CD28: variants seen among roughly 807,000 people sequenced by gnomAD.
CD28 encodes the protein CD28 molecule, also known as T-cell-specific surface glycoprotein CD28.
CD28 carries 8 observed loss-of-function variants against 21.4 expected under a neutral mutation model. That is an observed-to-expected ratio of 0.37 (90% CI 0.22 to 0.68). The LOEUF is 0.68. Among genes scored for constraint, CD28 ranks in the 30% least tolerant of loss-of-function variants. The probability of loss-of-function intolerance (pLI) is 0.55; values close to 1 mark genes in which losing one functional copy is unlikely to be tolerated. For synonymous variants in CD28, 106 were observed against 104.0 expected, an observed-to-expected ratio of 1.02 and a Z score of -0.12; for missense variants, 239 against 272.2, an observed-to-expected ratio of 0.88 and a Z score of 0.86.
At chr2:203,716,427 C>G (rs1481841557) in intron 1 of CD28, among the ~76,000 whole-genome samples, 1 of 152,188 alleles carries the variant, frequency 6.6e-6, no homozygotes, top group South Asian at 2.1e-4. Flanking sequence ...AATGAAACAG[C>G]TCTGTCTTTT....
At chr2:203,714,312 G>A (rs1225647883) in intron 1 of CD28, among the ~76,000 whole-genome samples, 1 of 152,018 alleles carries the variant, frequency 6.6e-6, no homozygotes, top group East Asian at 1.9e-4. Context: ...CTATGGCTAG[G>A]CTTGACCTCA....
At chr2:203,722,023 C>T (rs1693616256) in intron 1 of CD28, among the ~76,000 whole-genome samples, 1 of 152,144 alleles carries the variant, frequency 6.6e-6, no homozygotes, top group African/African-American at 2.4e-5. Flanking sequence ...CTCTCCAGCC[C>T]ACCCACACTC....
chr2:203,738,292 T>C lies in CD28; in HGVS notation c.*3380T>C, dbSNP rs968624105. 1 of 152,132 alleles carries C rather than the reference T, an allele frequency of 6.6e-6. No individual in the cohort carries two copies. The highest frequency in any genetic ancestry group is 2.4e-5 in the African/African-American group (1 of 41,428). 9.4% of individuals were successfully genotyped at this position (152,132 alleles called of 1,614,324 possible). On this transcript the variant is annotated 3_prime_UTR_variant, in exon 4 of 4. Coordinates refer to ENST00000324106, the MANE Select transcript of CD28 (RefSeq NM_006139.4). ...CATGTCTGATCCCTTATCCCAGCCA[T>C]TTGCACTGCCAGCTGGGAACTATAC...
chr2:203,713,204 GT>G (rs1693362865), intron 1 of CD28, among the ~76,000 whole-genome samples: 3 of 152,212 alleles, frequency 2.0e-5, no homozygotes, highest in African/African-American at 7.2e-5. Flanking sequence ...TAGAATACTG[GT>G]AACAGAAATT....
chr2:203,728,307 G>A (rs1283399624), intron 2 of CD28, among the ~76,000 whole-genome samples: 4 of 152,166 alleles, frequency 2.6e-5, no homozygotes, highest in African/African-American at 9.7e-5. Context: ...GTTATGTTCT[G>A]CCTAAATGTT....
chr2:203,735,070 A>T lies in CD28; in HGVS notation c.*158A>T. ...TCGAGTGACTAGACCAAATATCAAGATCATTTTGAGACTCTGAAATGAAGT... is the reference window on the plus strand; with the variant it reads ...TCGAGTGACTAGACCAAATATCAAGTTCATTTTGAGACTCTGAAATGAAGT... On this transcript the variant is annotated 3_prime_UTR_variant, in exon 4 of 4. Coordinates refer to ENST00000324106, the MANE Select transcript of CD28 (RefSeq NM_006139.4). 1 of 769,480 alleles carries T rather than the reference A, an allele frequency of 1.3e-6. No homozygotes were observed. Among genetic ancestry groups the T allele is most frequent in the Non-Finnish European group, 2.1e-6 (1 of 487,224 alleles). 47.7% of individuals were successfully genotyped at this position (769,480 alleles called of 1,614,324 possible).
chr2:203,732,087 C>G (rs1305614290), intron 3 of CD28, among the ~76,000 whole-genome samples: 1 of 152,166 alleles, frequency 6.6e-6, no homozygotes, highest in African/African-American at 2.4e-5. Context: ...GCATCTAGGC[C>G]ATTATGGATC....
At position 203,726,718 on chromosome 2, in the gene CD28, C is replaced by T. The variant is rs200104007; in HGVS notation, c.138C>T (p.Leu46=). The change falls in exon 2 of 4, where the codon CTC becomes CTT. Residue 46 remains leucine (L), a synonymous_variant. Transcript: ENST00000324106. ...TTAGCTGCAAGTATTCCTACAATCT[C>T]TTCTCAAGGGAGTTCCGGGCATCCC... The part of the protein sequence containing the change: ...VNLSCKYSYN[L]FSREFRASLH... The T allele has an allele frequency of 6.2e-7, 1 of 1,613,970 alleles. No individual in the cohort carries two copies. Among genetic ancestry groups the T allele is most frequent in the African/African-American group, 1.3e-5 (1 of 74,898 alleles).
At chr2:203,720,060 A>G (rs764273606) in intron 1 of CD28, among the ~76,000 whole-genome samples, 1 of 152,046 alleles carries the variant, frequency 6.6e-6, no homozygotes, top group Non-Finnish European at 1.5e-5. Context: ...GCAACTTTCA[A>G]TTTTCCTGAA....
chr2:203,713,161 G>C (rs1413084992), intron 1 of CD28, among the ~76,000 whole-genome samples: 1 of 152,234 alleles, frequency 6.6e-6, no homozygotes, highest in East Asian at 1.9e-4. Context: ...TGAGGTTATG[G>C]TGAAGCAGCG....
chr2:203,732,158 C>T (rs1409279165), intron 3 of CD28, among the ~76,000 whole-genome samples: 1 of 152,136 alleles, frequency 6.6e-6, no homozygotes, highest in African/African-American at 2.4e-5. Flanking sequence ...TGGTCTGCAG[C>T]GTGCCTTGAT....
chr2:203,727,491 T>C (rs984849591), intron 2 of CD28, among the ~76,000 whole-genome samples: 3 of 148,970 alleles, frequency 2.0e-5, no homozygotes, highest in South Asian at 2.1e-4. Context: ...TCTTTTTCTT[T>C]TTTTTTGAGA....
chr2:203,715,680 C>G (rs1298618571), intron 1 of CD28, among the ~76,000 whole-genome samples: 1 of 152,154 alleles, frequency 6.6e-6, no homozygotes, highest in South Asian at 2.1e-4. Flanking sequence ...CTGGCTTCCT[C>G]GAACTCTAGT....
intron 3 of CD28, among the ~76,000 whole-genome samples, chr2:203,734,235 A>C (rs1408348996): frequency 6.6e-6 from 1 of 152,228 alleles, no homozygotes; most frequent in African/African-American, 2.4e-5. Context: ...AGCCAAGCCT[A>C]TGAAAGAGAG....
At chr2:203,712,273 T>C (rs1693336395) in intron 1 of CD28, among the ~76,000 whole-genome samples, 1 of 152,180 alleles carries the variant, frequency 6.6e-6, no homozygotes, top group Admixed American at 6.5e-5. Flanking sequence ...CTGAGTTCTC[T>C]CTGCTTTTAC....
chr2:203,728,054 C>G (rs935079007), intron 2 of CD28, among the ~76,000 whole-genome samples: 8 of 152,184 alleles, frequency 5.3e-5, no homozygotes, highest in Non-Finnish European at 8.8e-5. Context: ...TCGTGATCTG[C>G]CCACCTGGGC....
At chr2:203,712,969 T>A (rs1693356544) in intron 1 of CD28, among the ~76,000 whole-genome samples, 1 of 152,020 alleles carries the variant, frequency 6.6e-6, no homozygotes, top group African/African-American at 2.4e-5. Flanking sequence ...AAGCACAGAG[T>A]GGGTAGAGCA....
At chr2:203,717,437 C>G (rs867186285) in intron 1 of CD28, among the ~76,000 whole-genome samples, 1 of 152,192 alleles carries the variant, frequency 6.6e-6, no homozygotes, top group Non-Finnish European at 1.5e-5. Context: ...TGGTCTCTTT[C>G]GACCTAAGGG....
chr2:203,715,072 C>G (rs190626324), intron 1 of CD28, among the ~76,000 whole-genome samples: 1,623 of 152,214 alleles, frequency 0.011, 17 homozygotes, highest in Non-Finnish European at 0.015. Flanking sequence ...CTGTTGTCTT[C>G]ATCACAGAGT....
Sources: allele counts gnomAD v4.1 joint callset (sites outside exome capture counted in the v4.1 genomes callset), GRCh38; gene constraint gnomAD v4.1.1; transcripts MANE v1.5; gene names NCBI Gene and HGNC (gene_info 2026-07-23, HGNC 2026-07-21).